Variants in UGT1A6 observed in about 807,000 individuals in gnomAD.
The protein encoded by UGT1A6 is UDP-glucuronosyltransferase 1A6.
In UGT1A6, 32 loss-of-function variants were observed where a neutral mutation model predicts 44.4. The observed-to-expected ratio is 0.72, with a 90% CI of 0.54 to 0.97. UGT1A6 has a LOEUF of 0.97. Ranked by LOEUF, UGT1A6 falls within the 50% of genes least tolerant of loss-of-function variation. UGT1A6 has a pLI of 0.00. For synonymous variants in UGT1A6, 238 were observed against 248.5 expected, an observed-to-expected ratio of 0.96 and a Z score of 0.40; for missense variants, 685 against 661.9, an observed-to-expected ratio of 1.03 and a Z score of -0.38.
At chr2:233,734,917 G>A (rs965822132) in intron 1 of UGT1A6, among the ~76,000 whole-genome samples, 3 of 152,162 alleles carry the variant, frequency 2.0e-5, no homozygotes, top group Non-Finnish European at 4.4e-5. Context: ...ATTTGCTAAG[G>A]AGTGCTTTAC....
Position 233,693,677 on chromosome 2 carries a change from C to A in UGT1A6, c.673C>A (p.Leu225Met). The A allele has an allele frequency of 5.0e-6, 8 of 1,614,168 alleles. No homozygotes were observed. The highest frequency in any genetic ancestry group is 6.8e-6 in the Non-Finnish European group (8 of 1,180,026). ...GTTGGAGCCCTATCTATTTTATTGT[C>A]TGTTTTCAAAGTATGAAGAACTCGC... Reference protein sequence around the residue: ...NLLEPYLFYCLFSKYEELASA... With the variant: ...NLLEPYLFYCMFSKYEELASA... Residue 225 changes from leucine to methionine, a missense_variant, in exon 1 of 5, where the codon CTG becomes ATG. By Grantham distance (15) the Leu-to-Met change is conservative (BLOSUM62 2). Transcript: ENST00000305139.
intron 1 of UGT1A6, among the ~76,000 whole-genome samples, chr2:233,724,129 T>A (rs2077172457): frequency 8.6e-6 from 1 of 116,454 alleles, no homozygotes. Context: ...GCCCCTCACC[T>A]CCCGGACGGG....
chr2:233,724,822 C>G (rs372493213), intron 1 of UGT1A6, among the ~76,000 whole-genome samples: 1 of 136,056 alleles, frequency 7.3e-6, no homozygotes, highest in Admixed American at 7.2e-5. Context: ...GCTGCAATCT[C>G]GGCACTTTGG....
intron 1 of UGT1A6, among the ~76,000 whole-genome samples, chr2:233,744,276 T>C (rs1409934425): frequency 2.0e-5 from 3 of 151,780 alleles, no homozygotes; most frequent in South Asian, 2.1e-4. Context: ...AAGTAGGCTT[T>C]ATATCAGTCT....
intron 1 of UGT1A6, among the ~76,000 whole-genome samples, chr2:233,732,241 G>T (rs2078253316): frequency 6.6e-6 from 1 of 152,170 alleles, no homozygotes; most frequent in South Asian, 2.1e-4. Context: ...TCTGTAGGTT[G>T]CCTGTTCACT....
chr2:233,695,209 T>C (rs1676135359), intron 1 of UGT1A6, among the ~76,000 whole-genome samples: 1 of 148,008 alleles, frequency 6.8e-6, no homozygotes, highest in South Asian at 2.2e-4. Flanking sequence ...CACTGCAACC[T>C]CCACCTCCTG....
At chr2:233,710,700 T>C (rs1342803924) in intron 1 of UGT1A6, among the ~76,000 whole-genome samples, 2 of 152,204 alleles carry the variant, frequency 1.3e-5, no homozygotes, top group Non-Finnish European at 2.9e-5. Flanking sequence ...TGGTGTGTGG[T>C]GTCCTTTGTT....
At position 233,693,375 on chromosome 2, in the gene UGT1A6, T is replaced by A. The variant is rs372477458; in HGVS notation, c.371T>A (p.Ile124Asn). Reference sequence around the variant, plus strand: ...ATGATTGTTATTGGCCTGTACTTCATCAACTGCCAGAGCCTCCTGCAGGAC... The same window carrying A: ...ATGATTGTTATTGGCCTGTACTTCAACAACTGCCAGAGCCTCCTGCAGGAC... ...NNMIVIGLYFINCQSLLQDRD... is the reference protein window; with the variant it reads ...NNMIVIGLYFNNCQSLLQDRD... Residue 124 changes from isoleucine (I) to asparagine (N), a missense_variant, in exon 1 of 5, where the codon ATC becomes AAC. Physicochemically the swap from Ile to Asn is moderately radical, Grantham distance 149. Coordinates refer to ENST00000305139, the MANE Select transcript of UGT1A6 (RefSeq NM_001072.4). 1.2e-4 allele frequency: 199 copies of A among 1,614,066 alleles called. No individual in the cohort carries two copies. Among genetic ancestry groups the A allele is most frequent in the Non-Finnish European group, 1.6e-4 (194 of 1,180,050 alleles).
Position 233,769,464 on chromosome 2 carries a change from C to T in UGT1A6, c.1301+1025C>T, listed in dbSNP as rs557481865. The T allele has an allele frequency of 3.3e-5, 50 of 1,503,294 alleles. No individual in the cohort carries two copies. The highest frequency in any genetic ancestry group is 4.1e-5 in the African/African-American group (3 of 72,468). 93.1% of individuals were successfully genotyped at this position (1,503,294 alleles called of 1,614,324 possible). A position where few individuals can be genotyped will look rare whatever the true frequency, so the allele number is the denominator to read the frequency against. ...GGGTGCACACGTGTGCATTCATATG[C>T]GTGTGTGTGTGTGTGCGTGTGTTTA... On this transcript the variant is annotated intron_variant, in intron 4 of 4. Coordinates refer to ENST00000305139, the MANE Select transcript of UGT1A6 (RefSeq NM_001072.4). This position sits in a 1 kb window ranked among gnomAD's most constrained non-coding sequence, Gnocchi z 4.4.
At chr2:233,714,248 G>C (rs1260479337) in intron 1 of UGT1A6, among the ~76,000 whole-genome samples, 1 of 152,160 alleles carries the variant, frequency 6.6e-6, no homozygotes, top group Non-Finnish European at 1.5e-5. Flanking sequence ...AAGGAGGAAG[G>C]AATAGAAATT....
chr2:233,740,631 C>G (rs1198172888), intron 1 of UGT1A6: 1 of 151,760 alleles, frequency 6.6e-6, no homozygotes, highest in East Asian at 1.9e-4. Context: ...CAGGGTCATG[C>G]CTTTCCTTGC....
Position 233,745,246 on chromosome 2 carries a change from G to A in UGT1A6, c.862-21788G>A, listed in dbSNP as rs148872010. Among the ~76,000 whole-genome samples, 467 of 151,884 alleles carry A rather than the reference G, an allele frequency of 3.1e-3. 15 individuals are homozygous for A. The highest frequency in any genetic ancestry group is 0.011 in the African/African-American group (453 of 41,220). ...GAAATACAGCACTATTTACTGTATCGAAACCATTAAGACTTGCAGGCCGTG... is the reference window on the plus strand; with the variant it reads ...GAAATACAGCACTATTTACTGTATCAAAACCATTAAGACTTGCAGGCCGTG... On this transcript the variant is annotated intron_variant, in intron 1 of 4. Coordinates refer to ENST00000305139, the MANE Select transcript of UGT1A6 (RefSeq NM_001072.4).
intron 1 of UGT1A6, chr2:233,718,959 G>A: frequency 9.3e-6 from 15 of 1,614,212 alleles, no homozygotes; most frequent in Non-Finnish European, 1.3e-5. Context: ...CATGCGGGAG[G>A]CCTTGCGGGA....
chr2:233,713,348 T>C (rs149718405), intron 1 of UGT1A6: 25 of 1,614,220 alleles, frequency 1.5e-5, no homozygotes, highest in Non-Finnish European at 2.1e-5. Flanking sequence ...TTATGAACAA[T>C]ATGTCTTTGA....
At chr2:233,733,583 G>C (rs2078417703) in intron 1 of UGT1A6, among the ~76,000 whole-genome samples, 2 of 152,122 alleles carry the variant, frequency 1.3e-5, no homozygotes, top group Admixed American at 1.3e-4. Context: ...TTTGTCATTG[G>C]TTCTGTTTAT....
intron 1 of UGT1A6, chr2:233,721,920 A>G: frequency 2.5e-6 from 1 of 407,420 alleles, no homozygotes; most frequent in South Asian, 1.9e-5. Context: ...TGCTTCCATA[A>G]AGTGACATCC....
intron 1 of UGT1A6, among the ~76,000 whole-genome samples, chr2:233,724,520 T>C (rs200973045): frequency 0.41 from 41,671 of 101,172 alleles, 10,045 homozygotes; most frequent in African/African-American, 0.66. Flanking sequence ...ACCTCCCAGA[T>C]GGGGTCTCGC....
chr2:233,731,857 C>T lies in UGT1A6; in HGVS notation c.862-35177C>T, dbSNP rs191763365. On this transcript the variant is annotated intron_variant, in intron 1 of 4. Transcript: ENST00000305139. ...TAGTTCTAGGTCCTTGAGGAATCGC[C>T]ACACTGTCTTCCACAATGGTTGAAC... Among the ~76,000 whole-genome samples, 286 of 152,314 alleles carry T rather than the reference C, an allele frequency of 1.9e-3. 1 individual carries two copies. In the South Asian group the frequency reaches 0.02, roughly 10 times the overall value.
Position 233,773,250 on chromosome 2 carries a change from T to C in UGT1A6, c.*691T>C, listed in dbSNP as rs967229603. 2.0e-5 allele frequency: 3 copies of C among 152,350 alleles called. No homozygotes were observed. Among genetic ancestry groups the C allele is most frequent in the Admixed American group, 6.5e-5 (1 of 15,274 alleles). The allele number at this position is 152,350 out of a possible 1,614,324, so 9.4% of individuals were successfully genotyped here. A position where few individuals can be genotyped will look rare whatever the true frequency, so the allele number is the denominator to read the frequency against. Reference sequence around the variant, plus strand: ...AAGTGCTGGGCAAGTTTACTTTTTTTCTGATGTTTCCTACAACTAAAAATA... The same window carrying C: ...AAGTGCTGGGCAAGTTTACTTTTTTCCTGATGTTTCCTACAACTAAAAATA... On this transcript the variant is annotated 3_prime_UTR_variant, in exon 5 of 5. Coordinates refer to ENST00000305139, the MANE Select transcript of UGT1A6 (RefSeq NM_001072.4).
Sources: gnomAD v4.1 joint callset for allele counts (sites outside exome capture counted in the v4.1 genomes callset) on GRCh38, gnomAD v4.1.1 for gene constraint, Gnocchi (gnomAD v3.1) non-coding constraint, MANE v1.5 for transcripts, NCBI Gene and HGNC (gene_info 2026-07-23, HGNC 2026-07-21) for gene names.